The following NUSAP1 variants were observed in gnomAD, a reference collection of about 807,000 sequenced individuals.
The protein encoded by NUSAP1 is nucleolar and spindle associated protein 1, also known as nucleolar and spindle-associated protein 1.
In NUSAP1, 32 loss-of-function variants were observed where a neutral mutation model predicts 52.8. The ratio of observed to expected loss-of-function variants is 0.61; its 90% CI spans 0.46 to 0.81. The LOEUF (loss-of-function observed/expected upper bound fraction) is 0.81, where lower values mean the gene tolerates loss of function less well. Ranked by LOEUF, NUSAP1 falls within the 40% of genes least tolerant of loss-of-function variation. The pLI, the probability that NUSAP1 is intolerant of heterozygous loss-of-function variation, is 0.00. For missense variants in NUSAP1, 499 were observed against 522.3 expected (o/e 0.96, Z 0.43); for synonymous variants, 195 against 183.1 (o/e 1.06, Z -0.52).
At chr15:41,360,431 C>G (rs983927211) in intron 6 of NUSAP1, among the ~76,000 whole-genome samples, 1 of 152,142 alleles carries the variant, frequency 6.6e-6, no homozygotes, top group Non-Finnish European at 1.5e-5. Flanking sequence ...ATTCTCCTGC[C>G]TCAGCCTCCT....
At chr15:41,374,755 G>C (rs988192350) in intron 8 of NUSAP1, among the ~76,000 whole-genome samples, 6 of 152,022 alleles carry the variant, frequency 3.9e-5, no homozygotes, top group Non-Finnish European at 8.8e-5. Flanking sequence ...TCGCTCTCTT[G>C]ACCTCATGAT....
At chr15:41,335,654 T>TATATAAATATACTAA (rs1005906452) in intron 1 of NUSAP1, among the ~76,000 whole-genome samples, 4 of 140,246 alleles carry the variant, frequency 2.9e-5, no homozygotes, top group Non-Finnish European at 4.5e-5. Flanking sequence ...ATATATTAAA[T>TATATAAATATACTAA]ATATAAATAT....
At chr15:41,379,798 T>C (rs1295609441) in intron 10 of NUSAP1, among the ~76,000 whole-genome samples, 3 of 152,158 alleles carry the variant, frequency 2.0e-5, no homozygotes. Context: ...CTGCCTGCCT[T>C]GGCCTCCTAA....
At chr15:41,363,535 C>G (rs1284684215) in intron 6 of NUSAP1, among the ~76,000 whole-genome samples, 2 of 151,874 alleles carry the variant, frequency 1.3e-5, no homozygotes, top group East Asian at 3.9e-4. Flanking sequence ...CTACTACACC[C>G]AGCTATTTTT....
intron 1 of NUSAP1, among the ~76,000 whole-genome samples, chr15:41,335,936 C>A (rs1275793482): frequency 6.7e-6 from 1 of 150,164 alleles, no homozygotes; most frequent in Non-Finnish European, 1.5e-5. Context: ...TTAATCAAAT[C>A]TTGATAATTT....
intron 4 of NUSAP1, among the ~76,000 whole-genome samples, chr15:41,353,354 C>T (rs2048846252): frequency 6.6e-6 from 1 of 152,148 alleles, no homozygotes; most frequent in Middle Eastern, 3.2e-3. Context: ...GTTGGCCAGA[C>T]TGGTCTCGAA....
At chr15:41,344,637 C>CA (rs931132085) in intron 2 of NUSAP1, among the ~76,000 whole-genome samples, 13 of 150,344 alleles carry the variant, frequency 8.6e-5, no homozygotes, top group South Asian at 4.2e-4. Flanking sequence ...GACTCCGTCT[C>CA]AAAAAAAAAT....
In NUSAP1 at chr15:41,355,762, C is replaced by T. The variant is rs890995117; in HGVS notation, c.449-277C>T. ...CGCGATCTCGGCTCACTGCAAGTTC[C>T]GCCTCCCGGGTTCACACCATTCTCC... is the stretch of plus-strand genomic sequence containing the variant. On this transcript the variant is annotated intron_variant, in intron 4 of 10. Transcript: ENST00000559596. Among the ~76,000 whole-genome samples the T allele has an allele frequency of 1.7e-4, 26 of 151,844 alleles. No homozygotes were observed. In the East Asian group the frequency reaches 3.5e-3, roughly 20 times the overall value.
intron 5 of NUSAP1, among the ~76,000 whole-genome samples, chr15:41,356,583 G>T (rs116751802): frequency 0.031 from 4,722 of 152,068 alleles, 225 homozygotes; most frequent in African/African-American, 0.11. Flanking sequence ...TCAACTTCTT[G>T]ACCTCATGAT....
Position 41,375,753 on chromosome 15 carries a change from C to A in NUSAP1, c.1048C>A (p.Pro350Thr), listed in dbSNP as rs1268658083. 3 of 1,613,786 alleles carry A rather than the reference C, an allele frequency of 1.9e-6. No individual in the cohort carries two copies. The highest frequency in any genetic ancestry group is 2.5e-6 in the Non-Finnish European group (3 of 1,179,714). Residue 350 changes from proline to threonine, a missense_variant, in exon 9 of 11, where the codon CCA (proline) becomes ACA (threonine). Physicochemically the swap from Pro to Thr is conservative, Grantham distance 38. Transcript: ENST00000559596. ...FKLTTEATQT[P>T]VSNKKPVFDL... The stretch of plus-strand genomic sequence containing the variant: ...GTTGACAACTGAGGCAACGCAGACT[C>A]CAGTCTCCAATAAGAAACCAGTGTT...
At chr15:41,377,809 G>C (rs747796904) in intron 10 of NUSAP1, among the ~76,000 whole-genome samples, 1 of 150,306 alleles carries the variant, frequency 6.7e-6, no homozygotes, top group African/African-American at 2.5e-5. Flanking sequence ...AGACCATCCT[G>C]GCTAACGCAT....
At chr15:41,354,544 A>T (rs1165078524) in intron 4 of NUSAP1, among the ~76,000 whole-genome samples, 2 of 151,836 alleles carry the variant, frequency 1.3e-5, no homozygotes, top group East Asian at 3.9e-4. Context: ...TATAGGAAGC[A>T]GAGGACCAGA....
chr15:41,348,472 A>G (rs1195035304), intron 2 of NUSAP1, among the ~76,000 whole-genome samples: 1 of 152,070 alleles, frequency 6.6e-6, no homozygotes, highest in Non-Finnish European at 1.5e-5. Flanking sequence ...CACCTGCCTC[A>G]GCTTCCCAAA....
At chr15:41,335,370 A>G (rs1268640487) in intron 1 of NUSAP1, among the ~76,000 whole-genome samples, 1 of 143,500 alleles carries the variant, frequency 7.0e-6, no homozygotes, top group African/African-American at 2.5e-5. Flanking sequence ...TAAACTAAAT[A>G]TATAAATATA....
In NUSAP1 at chr15:41,377,246, C is replaced by A. The variant is rs1373411012; in HGVS notation, c.1174C>A (p.His392Asn). The change falls in exon 10 of 11, where the codon CAT becomes AAT. Residue 392 changes from histidine (H) to asparagine (N), a missense_variant. His to Asn is a moderately conservative substitution (Grantham distance 68). Coordinates refer to ENST00000559596, the MANE Select transcript of NUSAP1 (RefSeq NM_016359.5). Reference protein sequence around the residue: ...QSKENNYLNQHVNRINFYKKT... With the variant: ...QSKENNYLNQNVNRINFYKKT... Reference sequence around the variant, plus strand: ...TAAAGAAAATAATTATCTAAATCAACATGTCAACAGAATTAACTTCTACAA... The same window carrying A: ...TAAAGAAAATAATTATCTAAATCAAAATGTCAACAGAATTAACTTCTACAA... 1 of 1,542,458 alleles carries A rather than the reference C, an allele frequency of 6.5e-7. No homozygotes were observed. The highest frequency in any genetic ancestry group is 8.8e-7 in the Non-Finnish European group (1 of 1,141,414).
intron 6 of NUSAP1, among the ~76,000 whole-genome samples, chr15:41,359,078 T>A (rs2049076451): frequency 6.6e-6 from 1 of 152,204 alleles, no homozygotes; most frequent in Admixed American, 6.5e-5. Flanking sequence ...TATTGGTATC[T>A]GGTGTTAAGG....
At chr15:41,342,335 T>C in intron 1 of NUSAP1, 51 bp from the exon 2 acceptor site, 2 of 1,229,228 alleles carry the variant, frequency 1.6e-6, no homozygotes, top group Non-Finnish European at 2.3e-6. Context: ...ATTCAACGTA[T>C]CTTCCTTGTT....
At chr15:41,339,328 A>G (rs1157306667) in intron 1 of NUSAP1, among the ~76,000 whole-genome samples, 1 of 152,134 alleles carries the variant, frequency 6.6e-6, no homozygotes, top group Non-Finnish European at 1.5e-5. Flanking sequence ...ATATTAATAT[A>G]GAGAAACCAA....
chr15:41,344,218 A>G (rs1469360134), intron 2 of NUSAP1: 3 of 151,444 alleles, frequency 2.0e-5, no homozygotes, highest in Non-Finnish European at 4.4e-5. Flanking sequence ...CATCTCAAAA[A>G]AAAAAAAAAA....
Sources: gnomAD v4.1 joint callset for allele counts (sites outside exome capture counted in the v4.1 genomes callset) on GRCh38, gnomAD v4.1.1 for gene constraint, MANE v1.5 for transcripts, NCBI Gene and HGNC (gene_info 2026-07-23, HGNC 2026-07-21) for gene names.